The following C9orf85 variants were observed in gnomAD, a reference collection of about 807,000 sequenced individuals.
The protein encoded by C9orf85 is chromosome 9 open reading frame 85, also known as uncharacterized protein C9orf85.
Under a neutral mutation model 14.9 loss-of-function variants are expected in C9orf85, and 16 were observed. The ratio of observed to expected loss-of-function variants is 1.08; its 90% CI spans 0.73 to 1.63. The LOEUF (loss-of-function observed/expected upper bound fraction) is 1.63, where lower values mean the gene tolerates loss of function less well. Among genes scored for constraint, C9orf85 ranks in the 40% most tolerant of loss-of-function variants. The pLI, the probability that C9orf85 is intolerant of heterozygous loss-of-function variation, is 0.00. For missense variants in C9orf85, 172 were observed against 186.1 expected (o/e 0.92, Z 0.44); for synonymous variants, 45 against 56.8 (o/e 0.79, Z 0.93).
chr9:71,971,619 G>A lies in C9orf85; in HGVS notation c.323+1G>A, dbSNP rs111992741. On this transcript the variant is annotated splice_donor_variant, in intron 3 of 3. Transcript: ENST00000334731. LOFTEE classifies it high-confidence loss of function. ...GAAAGAAAGAAGACATTGTTATTCC[G>A]TGAGTGTTTCCTTTTATGTTTGAAT... The A allele has an allele frequency of 3.9e-5, 62 of 1,579,152 alleles. No homozygotes were observed. The South Asian group carries it at 4.9e-4, about 12-fold the overall frequency.
chr9:71,920,543 C>A (rs752378278), intron 1 of C9orf85, among the ~76,000 whole-genome samples: 1 of 152,082 alleles, frequency 6.6e-6, no homozygotes, highest in African/African-American at 2.4e-5. Context: ...AGACACAAAA[C>A]CTTGGGGTTG....
At chr9:71,920,894 C>A (rs1465659018) in intron 1 of C9orf85, among the ~76,000 whole-genome samples, 1 of 152,142 alleles carries the variant, frequency 6.6e-6, no homozygotes. Context: ...ATGGACCCCC[C>A]CTTTCAGCCA....
intron 2 of C9orf85, among the ~76,000 whole-genome samples, chr9:71,957,990 G>A (rs1179948604): frequency 6.6e-6 from 1 of 152,072 alleles, no homozygotes; most frequent in Non-Finnish European, 1.5e-5. Context: ...AGGTCTGAAT[G>A]ATGTATCCTT....
rs570883827 is a variant in C9orf85, at chr9:71,939,003, T to C, written c.103-8003T>C. Among the ~76,000 whole-genome samples, 4 of 151,854 alleles carry C rather than the reference T, an allele frequency of 2.6e-5. No homozygotes were observed. The South Asian group carries it at 8.3e-4, about 32-fold the overall frequency. ...GAAAAAATGTGAACTTATGTAAATA[T>C]ATACTTGAAGTGCTGCAAAGTGTAG... On this transcript the variant is annotated intron_variant, in intron 1 of 3. Coordinates refer to ENST00000334731, the MANE Select transcript of C9orf85 (RefSeq NM_182505.5).
intron 1 of C9orf85, among the ~76,000 whole-genome samples, chr9:71,928,063 T>C (rs1335223833): frequency 6.6e-6 from 1 of 152,070 alleles, no homozygotes; most frequent in Non-Finnish European, 1.5e-5. Flanking sequence ...AGCACATTCC[T>C]GTGATCCCAG....
chr9:71,920,106 C>G (rs571752801), intron 1 of C9orf85, among the ~76,000 whole-genome samples: 247 of 152,210 alleles, frequency 1.6e-3, no homozygotes, highest in Non-Finnish European at 2.9e-3. Context: ...GCCTTGGCCT[C>G]CCAAAGTGTC....
At chr9:71,923,464 C>T (rs951357730) in intron 1 of C9orf85, among the ~76,000 whole-genome samples, 1 of 152,102 alleles carries the variant, frequency 6.6e-6, no homozygotes, top group African/African-American at 2.4e-5. Context: ...GATGGGTTTT[C>T]TCCATGTTGG....
chr9:71,981,945 A>G (rs1823104864), intron 3 of C9orf85, among the ~76,000 whole-genome samples: 1 of 152,174 alleles, frequency 6.6e-6, no homozygotes, highest in Admixed American at 6.5e-5. Flanking sequence ...TTAAGTGTAT[A>G]ATTTAACGAT....
chr9:71,925,248 C>T (rs534804678), intron 1 of C9orf85, among the ~76,000 whole-genome samples: 4 of 152,290 alleles, frequency 2.6e-5, no homozygotes, highest in Admixed American at 6.5e-5. Flanking sequence ...TGGCTGGGCA[C>T]GGTGGCTCAG....
intron 1 of C9orf85, among the ~76,000 whole-genome samples, chr9:71,941,379 AG>A (rs1821925587): frequency 6.6e-6 from 1 of 152,228 alleles, no homozygotes; most frequent in Admixed American, 6.5e-5. Flanking sequence ...TGACAAGGCA[AG>A]AACTGGACAG....
rs1255451995 is a variant in C9orf85 at position 71,966,981 on chromosome 9, G to A, written c.210-4524G>A. 2.6e-5 allele frequency among the ~76,000 whole-genome samples: 4 copies of A among 152,324 alleles called. No individual in the cohort carries two copies. The Middle Eastern group carries it at 0.01, about 389-fold the overall frequency. On this transcript the variant is annotated intron_variant, in intron 2 of 3. Transcript: ENST00000334731. The stretch of plus-strand genomic sequence containing the variant: ...CATCCTCACAAAAGACAGCTTTGCT[G>A]GCCGTTTGTAAGATGTTCAAAATAC...
chr9:71,946,859 C>A, intron 1 of C9orf85, 147 bp from the exon 2 acceptor site: 2 of 479,906 alleles, frequency 4.2e-6, no homozygotes, highest in Non-Finnish European at 3.6e-6. Flanking sequence ...GAGTAATATA[C>A]ATAAAAATAC....
At chr9:71,949,554 T>G (rs1822193649) in intron 2 of C9orf85, among the ~76,000 whole-genome samples, 1 of 152,140 alleles carries the variant, frequency 6.6e-6, no homozygotes, top group Non-Finnish European at 1.5e-5. Flanking sequence ...CCAGTCTAAG[T>G]TCTCACCCTT....
chr9:71,930,122 C>T (rs923796498), intron 1 of C9orf85, among the ~76,000 whole-genome samples: 9 of 151,640 alleles, frequency 5.9e-5, no homozygotes, highest in Non-Finnish European at 1.0e-4. Flanking sequence ...TAATAAAAAC[C>T]AAAAGATTTA....
intron 1 of C9orf85, among the ~76,000 whole-genome samples, chr9:71,925,496 A>G (rs1827908537): frequency 6.6e-6 from 1 of 152,240 alleles, no homozygotes; most frequent in Non-Finnish European, 1.5e-5. Flanking sequence ...ATACCAAAAA[A>G]CTGAAGAAGG....
At chr9:71,949,405 G>C (rs548315110) in intron 2 of C9orf85, among the ~76,000 whole-genome samples, 1 of 152,176 alleles carries the variant, frequency 6.6e-6, no homozygotes, top group Non-Finnish European at 1.5e-5. Context: ...AAATTTTCCA[G>C]ATGCTATATT....
chr9:71,983,400 T>C (rs1823142439), downstream of C9orf85: 1 of 152,258 alleles, frequency 6.6e-6, no homozygotes, highest in Non-Finnish European at 1.5e-5. Context: ...TTTCTTACCA[T>C]TGAGTTATGA....
intron 2 of C9orf85, among the ~76,000 whole-genome samples, chr9:71,949,787 A>G (rs1822199355): frequency 6.6e-6 from 1 of 152,210 alleles, no homozygotes; most frequent in Admixed American, 6.5e-5. Flanking sequence ...AGCTAAGGGT[A>G]GTAAACTAAA....
At chr9:71,966,021 C>T (rs1822680561) in intron 2 of C9orf85, among the ~76,000 whole-genome samples, 1 of 152,152 alleles carries the variant, frequency 6.6e-6, no homozygotes, top group African/African-American at 2.4e-5. Flanking sequence ...CAGGAGTATG[C>T]GCCTGTAACA....
Sources: allele counts gnomAD v4.1 joint callset (sites outside exome capture counted in the v4.1 genomes callset), GRCh38; gene constraint gnomAD v4.1.1; transcripts MANE v1.5; gene names NCBI Gene and HGNC (gene_info 2026-07-23, HGNC 2026-07-21).